The following RNF146 variants were observed in gnomAD, a reference collection of about 807,000 sequenced individuals.
RNF146 encodes ring finger protein 146.
In RNF146, 11 loss-of-function variants were observed where a neutral mutation model predicts 29.7. That is an observed-to-expected ratio of 0.37 (90% CI 0.23 to 0.61). The LOEUF is 0.61. Among genes scored for constraint, RNF146 ranks in the 20% least tolerant of loss-of-function variants. The pLI, the probability that RNF146 is intolerant of heterozygous loss-of-function variation, is 0.66. For missense variants in RNF146, 342 were observed against 438.9 expected (o/e 0.78, Z 1.97); for synonymous variants, 150 against 159.7 (o/e 0.94, Z 0.46).
At chr6:127,285,529 C>CTTTTTTTTTTTTTTTT (rs10669927) in intron 2 of RNF146, among the ~76,000 whole-genome samples, 2 of 130,000 alleles carry the variant, frequency 1.5e-5, no homozygotes. Flanking sequence ...TTTAAAATGT[C>CTTTTTTTTTTTTTTTT]TTTTTTTTTT....
In RNF146 at chr6:127,280,265, C is replaced by G. The variant is rs537261209; in HGVS notation, c.-74C>G. On this transcript the variant is annotated 5_prime_UTR_variant, in exon 2 of 3. It introduces an in-frame stop codon into an upstream open reading frame of the 5' UTR. Coordinates refer to ENST00000368314, the MANE Select transcript of RNF146 (RefSeq NM_001242850.2). ...TGAACCAGCAGTGGAAGAGAAAATA[C>G]TGTAAGCTGGCTGACTGCTGGTGAA... The G allele has an allele frequency of 6.8e-7, 1 of 1,469,560 alleles. No individual in the cohort carries two copies. The highest frequency in any genetic ancestry group is 1.4e-5 in the African/African-American group (1 of 71,290). The allele number at this position is 1,469,560 out of a possible 1,614,324, so 91.0% of individuals were successfully genotyped here.
Position 127,286,552 on chromosome 6 carries a change from T to C in RNF146, c.3-64T>C. 2 of 1,400,504 alleles carry C rather than the reference T, an allele frequency of 1.4e-6. No individual in the cohort carries two copies. The highest frequency in any genetic ancestry group is 1.9e-6 in the Non-Finnish European group (2 of 1,027,698). The allele number at this position is 1,400,504 out of a possible 1,614,324, so 86.8% of individuals were successfully genotyped here. A position where few individuals can be genotyped will look rare whatever the true frequency, so the allele number is the denominator to read the frequency against. ...TCATAGGTGGTTAGTGTTTTCATAA[T>C]TGTTAAATTAAGATATTGCAAGAAT... is the stretch of plus-strand genomic sequence containing the variant. On this transcript the variant is annotated intron_variant, in intron 2 of 2. Transcript: ENST00000368314. This position sits in a 1 kb window ranked among gnomAD's most constrained non-coding sequence, Gnocchi z 4.6.
chr6:127,287,754 C>A lies in RNF146; in HGVS notation c.*61C>A. The A allele has an allele frequency of 9.2e-7, 1 of 1,086,162 alleles. No homozygotes were observed. Among genetic ancestry groups the A allele is most frequent in the Non-Finnish European group, 1.4e-6 (1 of 739,654 alleles). The allele number at this position is 1,086,162 out of a possible 1,614,324, so 67.3% of individuals were successfully genotyped here. A position where few individuals can be genotyped will look rare whatever the true frequency, so the allele number is the denominator to read the frequency against. ...AGGGTTACCTGTAAATTTCTGCCCACATAACATTATACTCATCCCTAGTAG... is the reference window on the plus strand; with the variant it reads ...AGGGTTACCTGTAAATTTCTGCCCAAATAACATTATACTCATCCCTAGTAG... On this transcript the variant is annotated 3_prime_UTR_variant, in exon 3 of 3. Transcript: ENST00000368314.
At chr6:127,269,714 C>G (rs920277774) in intron 1 of RNF146, among the ~76,000 whole-genome samples, 10 of 152,132 alleles carry the variant, frequency 6.6e-5, no homozygotes, top group Non-Finnish European at 1.2e-4. Context: ...AGTTACATCT[C>G]TCAATTTGTG....
intron 1 of RNF146, among the ~76,000 whole-genome samples, chr6:127,270,742 G>A (rs545190643): frequency 6.6e-6 from 1 of 150,990 alleles, no homozygotes; most frequent in African/African-American, 2.4e-5. Context: ...TTTCTTTCTC[G>A]TCCTCCTGAA....
intron 2 of RNF146, among the ~76,000 whole-genome samples, chr6:127,284,493 C>T (rs1247950536): frequency 6.6e-6 from 1 of 151,736 alleles, no homozygotes; most frequent in African/African-American, 2.4e-5. Flanking sequence ...AAATATGGAA[C>T]TTGGAACAAA....
chr6:127,284,978 T>A (rs888710354), intron 2 of RNF146, among the ~76,000 whole-genome samples: 1 of 152,066 alleles, frequency 6.6e-6, no homozygotes, highest in Non-Finnish European at 1.5e-5. Context: ...ACCAAAAGAT[T>A]AGACACCCCT....
intron 1 of RNF146, among the ~76,000 whole-genome samples, chr6:127,275,248 G>T (rs1282743624): frequency 1.3e-5 from 2 of 152,084 alleles, no homozygotes; most frequent in Admixed American, 1.3e-4. Context: ...CAATAGCTGG[G>T]TAAATGATTT....
chr6:127,267,605 T>C (rs980089698), intron 1 of RNF146, among the ~76,000 whole-genome samples: 1 of 152,136 alleles, frequency 6.6e-6, no homozygotes, highest in Non-Finnish European at 1.5e-5. Context: ...TCCTTTTTTT[T>C]CTCCTGCTCA....
In RNF146 at chr6:127,287,471, A is replaced by C. The variant is rs1175549720; in HGVS notation, c.858A>C (p.Glu286Asp). ...TACCAGCACCAGACACCTCCATTGA[A>C]GAAACTGAATCAGATGCCAGTAGTG... ...GRVPAPDTSI[E>D]ETESDASSDS... Residue 286 changes from glutamate to aspartate, a missense_variant, in exon 3 of 3, where the codon GAA (glutamate) becomes GAC (aspartate). Physicochemically the swap from Glu to Asp is conservative, Grantham distance 45. Around this residue, in one of 6 missense-constraint regions of RNF146, gnomAD observed 196 missense variants for 208.9 expected, o/e 0.94. Coordinates refer to ENST00000368314, the MANE Select transcript of RNF146 (RefSeq NM_001242850.2). 6.2e-7 allele frequency: 1 copy of C among 1,613,452 alleles called. No homozygotes were observed. Among genetic ancestry groups the C allele is most frequent in the Non-Finnish European group, 8.5e-7 (1 of 1,179,612 alleles).
rs1175549720 is a variant in RNF146, at chr6:127,287,471, A to G, written c.858A>G (p.Glu286=). ...TACCAGCACCAGACACCTCCATTGA[A>G]GAAACTGAATCAGATGCCAGTAGTG... The part of the protein sequence containing the change: ...GRVPAPDTSI[E]ETESDASSDS... Residue 286 remains glutamate, a synonymous_variant, in exon 3 of 3, where the codon GAA becomes GAG. Transcript: ENST00000368314. 6.2e-7 allele frequency: 1 copy of G among 1,613,452 alleles called. No homozygotes were observed. Among genetic ancestry groups the G allele is most frequent in the Non-Finnish European group, 8.5e-7 (1 of 1,179,612 alleles).
At chr6:127,266,956 A>G (rs1303802032) in intron 1 of RNF146, 31 bp downstream of exon 1, 1 of 151,374 alleles carries the variant, frequency 6.6e-6, no homozygotes, top group African/African-American at 2.4e-5. Context: ...CTCTCGGGGG[A>G]GCAGGGTGAA....
At chr6:127,269,112 T>A (rs1240279769) in intron 1 of RNF146, among the ~76,000 whole-genome samples, 1 of 152,222 alleles carries the variant, frequency 6.6e-6, no homozygotes, top group African/African-American at 2.4e-5. Context: ...TGAAACAACA[T>A]CTTTGTGGAT....
At chr6:127,284,685 A>T (rs548572053) in intron 2 of RNF146, among the ~76,000 whole-genome samples, 2 of 152,032 alleles carry the variant, frequency 1.3e-5, no homozygotes, top group South Asian at 4.1e-4. Flanking sequence ...TGTTGTTTCA[A>T]GTTACAAGAT....
chr6:127,284,070 T>G (rs1234237745), intron 2 of RNF146, among the ~76,000 whole-genome samples: 1 of 151,788 alleles, frequency 6.6e-6, no homozygotes, highest in Non-Finnish European at 1.5e-5. Context: ...GAGGATAATG[T>G]TTTTAGGTTG....
At chr6:127,274,410 G>A (rs1777908722) in intron 1 of RNF146, among the ~76,000 whole-genome samples, 1 of 151,856 alleles carries the variant, frequency 6.6e-6, no homozygotes, top group African/African-American at 2.4e-5. Flanking sequence ...AAATATTTAT[G>A]GATAAGACCT....
Position 127,286,715 on chromosome 6 carries a change from C to A in RNF146, c.102C>A (p.Val34=). ...CTAATACTGCACCTTCTTTAACCGTCCCTGAATGTGCCATTTGTCTGCAAA... is the reference window on the plus strand; with the variant it reads ...CTAATACTGCACCTTCTTTAACCGTACCTGAATGTGCCATTTGTCTGCAAA... ...SCSNTAPSLT[V]PECAICLQTC... Residue 34 remains valine (V), a synonymous_variant, in exon 3 of 3, where the codon GTC becomes GTA. Coordinates refer to ENST00000368314, the MANE Select transcript of RNF146 (RefSeq NM_001242850.2). This position sits in a 1 kb window ranked among gnomAD's most constrained non-coding sequence, Gnocchi z 4.6. The A allele has an allele frequency of 6.2e-7, 1 of 1,613,396 alleles. No individual in the cohort carries two copies. Among genetic ancestry groups the A allele is most frequent in the Non-Finnish European group, 8.5e-7 (1 of 1,179,578 alleles).
intron 2 of RNF146, among the ~76,000 whole-genome samples, chr6:127,282,872 A>T (rs1779088431): frequency 6.6e-6 from 1 of 151,692 alleles, no homozygotes; most frequent in African/African-American, 2.4e-5. Flanking sequence ...TATATGTAGG[A>T]TTGTTCCCTT....
Position 127,287,376 on chromosome 6 carries a change from G to C in RNF146, c.763G>C (p.Asp255His). ...TTTTGCTCATTTACAACTCAGTGGAGACAACACAGCTGAAAGGAGTCATAG... is the reference window on the plus strand; with the variant it reads ...TTTTGCTCATTTACAACTCAGTGGACACAACACAGCTGAAAGGAGTCATAG... Reference protein sequence around the residue: ...DSFAHLQLSGDNTAERSHRGE... With the variant: ...DSFAHLQLSGHNTAERSHRGE... Residue 255 changes from aspartate (D) to histidine (H), a missense_variant, in exon 3 of 3, where the codon GAC (aspartate) becomes CAC (histidine). This residue lies in a region of RNF146 where 196 missense variants were observed against 208.9 expected (regional missense o/e 0.94). Transcript: ENST00000368314. 6.2e-6 allele frequency: 10 copies of C among 1,613,468 alleles called. No homozygotes were observed. The highest frequency in any genetic ancestry group is 8.5e-6 in the Non-Finnish European group (10 of 1,179,644).
Sources: allele counts gnomAD v4.1 joint callset (sites outside exome capture counted in the v4.1 genomes callset), GRCh38; gene constraint gnomAD v4.1.1; regional missense constraint gnomAD v4.1.1; non-coding constraint Gnocchi (gnomAD v3.1); transcripts MANE v1.5; gene names NCBI Gene and HGNC (gene_info 2026-07-23, HGNC 2026-07-21).